RAD51: variants seen among roughly 807,000 people sequenced by gnomAD.
The protein encoded by RAD51 is DNA repair protein RAD51 homolog 1.
RAD51 carries 14 observed loss-of-function variants against 41.5 expected under a neutral mutation model. That is an observed-to-expected ratio of 0.34 (90% CI 0.22 to 0.53). RAD51 has a LOEUF of 0.53. RAD51 is among the 20% of genes least tolerant of loss of function. RAD51 has a pLI of 0.95. For synonymous variants in RAD51, 136 were observed against 148.6 expected (o/e 0.92, Z 0.62); for missense variants, 234 against 422.0 (o/e 0.55, Z 3.90).
intron 6 of RAD51, among the ~76,000 whole-genome samples, chr15:40,724,681 T>TTC (rs1351276743): frequency 8.7e-6 from 1 of 114,922 alleles, no homozygotes; most frequent in African/African-American, 3.4e-5. Context: ...TTTCTTTTTT[T>TTC]TTTTTTTTTT....
chr15:40,708,577 A>ATTTGTTTG (rs45626433), intron 4 of RAD51, among the ~76,000 whole-genome samples: 1,520 of 150,060 alleles, frequency 0.01, 23 homozygotes, highest in African/African-American at 0.035. Flanking sequence ...CTTTTGGTTT[A>ATTTGTTTG]TTTGTTTGTT....
intron 2 of RAD51, among the ~76,000 whole-genome samples, chr15:40,700,339 G>A (rs1389973743): frequency 5.3e-5 from 8 of 152,226 alleles, no homozygotes; most frequent in Non-Finnish European, 8.8e-5. Flanking sequence ...GTTAATGTCA[G>A]TTGTTAGAGC....
intron 5 of RAD51, 67 bp from the exon 6 acceptor site, chr15:40,718,738 T>G: frequency 7.5e-7 from 1 of 1,335,800 alleles, no homozygotes; most frequent in South Asian, 1.2e-5. Context: ...AAAGATGTCA[T>G]GAGGAGCTTG....
intron 6 of RAD51, among the ~76,000 whole-genome samples, chr15:40,727,292 A>G (rs1896635630): frequency 6.6e-6 from 1 of 151,314 alleles, no homozygotes; most frequent in Non-Finnish European, 1.5e-5. Flanking sequence ...AGATTATATC[A>G]GTGTATTTTT....
At chr15:40,727,226 T>G (rs1366516040) in intron 6 of RAD51, among the ~76,000 whole-genome samples, 1 of 151,818 alleles carries the variant, frequency 6.6e-6, no homozygotes, top group Non-Finnish European at 1.5e-5. Flanking sequence ...CCTCCCAGAG[T>G]GCTGGGATTA....
At chr15:40,706,066 A>G (rs2141829906) in intron 3 of RAD51, 111 bp from the exon 4 acceptor site, 1 of 761,516 alleles carries the variant, frequency 1.3e-6, no homozygotes, top group Admixed American at 2.1e-5. Flanking sequence ...TTCCCATTGC[A>G]CACCTTGTTT....
At chr15:40,728,006 C>T (rs771915933) in intron 6 of RAD51, among the ~76,000 whole-genome samples, 2 of 151,978 alleles carry the variant, frequency 1.3e-5, no homozygotes, top group African/African-American at 4.8e-5. Context: ...ATTACAGGTG[C>T]CTGCCACCAC....
chr15:40,702,703 A>C (rs1684868968), intron 3 of RAD51, among the ~76,000 whole-genome samples: 1 of 151,992 alleles, frequency 6.6e-6, no homozygotes, highest in Non-Finnish European at 1.5e-5. Flanking sequence ...TTTTCAGTTG[A>C]GACGGGGTTT....
rs770620483 is a variant in RAD51, at chr15:40,728,780, G to A, written c.600G>A (p.Gln200=). Residue 200 remains glutamine, a synonymous_variant, in exon 7 of 10, where the codon CAG becomes CAA. Transcript: ENST00000267868. ...CTCGAGCGTTCAACACAGACCACCA[G>A]ACCCAGCTCCTTTATCAAGCATCAG... is the stretch of plus-strand genomic sequence containing the variant. The part of the protein sequence containing the change: ...AYARAFNTDH[Q]TQLLYQASAM... 5 of 1,613,976 alleles carry A rather than the reference G, an allele frequency of 3.1e-6. No individual in the cohort carries two copies. The highest frequency in any genetic ancestry group is 1.7e-5 in the Admixed American group (1 of 59,996).
chr15:40,710,501 C>CAAAAAA (rs747933816), intron 5 of RAD51, among the ~76,000 whole-genome samples: 14 of 48,680 alleles, frequency 2.9e-4, no homozygotes, highest in African/African-American at 4.5e-4. Flanking sequence ...GACTCTGTCT[C>CAAAAAA]AAAAAAAAAA....
rs1195606663 is a variant in RAD51 at position 40,704,363 on chromosome 15, C to CTT, written c.226-1799_226-1798dup. Among the ~76,000 whole-genome samples, 30 of 121,334 alleles carry CTT rather than the reference C, an allele frequency of 2.5e-4. 1 individual carries two copies. Among genetic ancestry groups the CTT allele is most frequent in the African/African-American group, 7.1e-4 (23 of 32,320 alleles). The allele number at this position is 121,334 out of a possible 152,430, so 79.6% of individuals were successfully genotyped here. ...ACAGTCGTGAGCCACCGCGCCAGGCCTTTTTTTTTTTTTTTTCTGATGCAG... is the reference window on the plus strand; with the variant it reads ...ACAGTCGTGAGCCACCGCGCCAGGCCTTTTTTTTTTTTTTTTTTCTGATGCAG... On this transcript the variant is annotated intron_variant, in intron 3 of 9. Coordinates refer to ENST00000267868, the MANE Select transcript of RAD51 (RefSeq NM_002875.5).
chr15:40,724,674 C>CTTT (rs869156620), intron 6 of RAD51, among the ~76,000 whole-genome samples: 9,040 of 94,080 alleles, frequency 0.096, 1,121 homozygotes, highest in Non-Finnish European at 0.11. Context: ...TTTTTTATTT[C>CTTT]TTTTTTTTTT....
chr15:40,731,243 C>G lies in RAD51; in HGVS notation c.*65C>G. ...CAGCCTAATGAGAGTGCACTGCTCC[C>G]TGGGGTTCTCTACAGGCCTCTTCCT... On this transcript the variant is annotated 3_prime_UTR_variant, in exon 10 of 10. Coordinates refer to ENST00000267868, the MANE Select transcript of RAD51 (RefSeq NM_002875.5). 1 of 1,604,078 alleles carries G rather than the reference C, an allele frequency of 6.2e-7. No individual in the cohort carries two copies.
chr15:40,720,652 A>G (rs1438882337), intron 6 of RAD51, among the ~76,000 whole-genome samples: 1 of 152,222 alleles, frequency 6.6e-6, no homozygotes, highest in Non-Finnish European at 1.5e-5. Context: ...TACAATATCA[A>G]TATACGAAAA....
intron 5 of RAD51, among the ~76,000 whole-genome samples, chr15:40,709,950 A>C (rs1053237347): frequency 9.9e-5 from 15 of 151,302 alleles, no homozygotes; most frequent in Non-Finnish European, 1.5e-4. Context: ...ATCACTTGAG[A>C]TCAAGAGTTT....
intron 3 of RAD51, among the ~76,000 whole-genome samples, chr15:40,705,654 G>T (rs949606048): frequency 6.6e-6 from 1 of 152,172 alleles, no homozygotes; most frequent in Non-Finnish European, 1.5e-5. Context: ...CCCCAGGCTG[G>T]AGTACAGTGG....
intron 3 of RAD51, chr15:40,701,776 A>ATT (rs35383252): frequency 4.4e-4 from 60 of 134,872 alleles, no homozygotes; most frequent in African/African-American, 9.3e-4. Context: ...TATAAAGCAG[A>ATT]TTTTTTTTTT....
chr15:40,705,839 G>A (rs763204117), intron 3 of RAD51, among the ~76,000 whole-genome samples: 9 of 152,076 alleles, frequency 5.9e-5, no homozygotes, highest in Non-Finnish European at 1.0e-4. Flanking sequence ...ATCTCCTGAC[G>A]TTGTGATCCG....
At chr15:40,697,664 G>A (rs1894734671) in intron 1 of RAD51, among the ~76,000 whole-genome samples, 1 of 134,194 alleles carries the variant, frequency 7.5e-6, no homozygotes, top group Non-Finnish European at 1.5e-5. Context: ...TGCAAGCTCC[G>A]CCTCCTGGGT....
Sources: gnomAD v4.1 joint callset for allele counts (sites outside exome capture counted in the v4.1 genomes callset) on GRCh38, gnomAD v4.1.1 for gene constraint, MANE v1.5 for transcripts, NCBI Gene and HGNC (gene_info 2026-07-23, HGNC 2026-07-21) for gene names.